The following ME1 variants were observed in gnomAD, a reference collection of about 807,000 sequenced individuals.
ME1 encodes the protein NADP-dependent malic enzyme.
ME1 carries 74 observed loss-of-function variants against 66.4 expected under a neutral mutation model. That is an observed-to-expected ratio of 1.11 (90% CI 0.92 to 1.35). The LOEUF is 1.35. Ranked by LOEUF, ME1 falls within the 40% of genes most tolerant of loss-of-function variation. ME1 has a pLI of 0.00. For synonymous variants in ME1, 251 were observed against 235.6 expected, an observed-to-expected ratio of 1.07 and a Z score of -0.60; for missense variants, 750 against 694.1, an observed-to-expected ratio of 1.08 and a Z score of -0.90.
chr6:83,397,716 T>C (rs1422930709), intron 3 of ME1, among the ~76,000 whole-genome samples: 1 of 152,092 alleles, frequency 6.6e-6, no homozygotes, highest in Admixed American at 6.6e-5. Flanking sequence ...GGCCAAGATA[T>C]GGGATCAAGG....
At chr6:83,332,901 TAAAATAAAAAATA>T (rs572310931) in intron 5 of ME1, among the ~76,000 whole-genome samples, 3 of 152,060 alleles carry the variant, frequency 2.0e-5, no homozygotes, top group Non-Finnish European at 4.4e-5. Flanking sequence ...TTAAGGCTAT[TAAAATAAAAAATA>T]AAAATAAAAA....
At chr6:83,268,021 G>T (rs1016407617) in intron 6 of ME1, among the ~76,000 whole-genome samples, 1 of 151,940 alleles carries the variant, frequency 6.6e-6, no homozygotes, top group Non-Finnish European at 1.5e-5. Flanking sequence ...AAAAAAGGTG[G>T]CATGCTCTAT....
intron 7 of ME1, among the ~76,000 whole-genome samples, chr6:83,247,799 A>C (rs1790652190): frequency 6.6e-6 from 1 of 152,206 alleles, no homozygotes; most frequent in Admixed American, 6.5e-5. Context: ...CAGAACCCCA[A>C]TAACTTGCCA....
In ME1 at chr6:83,384,524, A is replaced by C. The variant is rs145392485; in HGVS notation, c.362+13843T>G. Among the ~76,000 whole-genome samples the C allele has an allele frequency of 5.2e-4, 79 of 151,746 alleles. 1 individual carries two copies. In the East Asian group the frequency reaches 0.014, roughly 26 times the overall value. On this transcript the variant is annotated intron_variant, in intron 3 of 13. Transcript: ENST00000369705. The stretch of plus-strand genomic sequence containing the variant: ...TTTTGCTTGTAAATTTAAGTTCCTT[A>C]TATTAATAGATTCTGGATATTAGAG...
At chr6:83,290,770 G>A (rs538110744) in intron 6 of ME1, among the ~76,000 whole-genome samples, 5 of 152,232 alleles carry the variant, frequency 3.3e-5, no homozygotes, top group Non-Finnish European at 5.9e-5. Flanking sequence ...CTCTTTGTAG[G>A]TCTCCAAGAA....
At chr6:83,367,801 G>A (rs752029431) in intron 3 of ME1, among the ~76,000 whole-genome samples, 30 of 152,110 alleles carry the variant, frequency 2.0e-4, no homozygotes, top group African/African-American at 3.1e-4. Context: ...CAATATGGCC[G>A]CTTTACTTTC....
At chr6:83,411,793 C>T (rs3798889) in intron 1 of ME1, among the ~76,000 whole-genome samples, 1 of 151,938 alleles carries the variant, frequency 6.6e-6, no homozygotes, top group South Asian at 2.1e-4. Context: ...ACATCTAATT[C>T]TCTAAAGACA....
intron 9 of ME1, 36 bp from the exon 10 acceptor site, chr6:83,228,967 C>A (rs1382586026): frequency 7.1e-7 from 1 of 1,406,274 alleles, no homozygotes; most frequent in Non-Finnish European, 9.9e-7. Context: ...TAAGAATCTG[C>A]CAAACATGTG....
chr6:83,229,966 G>A (rs1790268398), intron 9 of ME1, among the ~76,000 whole-genome samples: 1 of 152,010 alleles, frequency 6.6e-6, no homozygotes, highest in Admixed American at 6.6e-5. Context: ...GGAACTACAG[G>A]CATGCACCAC....
At chr6:83,256,656 A>G (rs1766778121) in intron 6 of ME1, among the ~76,000 whole-genome samples, 1 of 152,208 alleles carries the variant, frequency 6.6e-6, no homozygotes, top group Admixed American at 6.5e-5. Context: ...ATCTAGAATC[A>G]GAAATCCCAT....
chr6:83,370,699 A>G (rs1446556703), intron 3 of ME1, among the ~76,000 whole-genome samples: 2 of 152,172 alleles, frequency 1.3e-5, no homozygotes, highest in Non-Finnish European at 2.9e-5. Flanking sequence ...GGAAAAAAGC[A>G]CTTCTCACTG....
chr6:83,263,048 G>A (rs1583346460), intron 6 of ME1, among the ~76,000 whole-genome samples: 1 of 152,052 alleles, frequency 6.6e-6, no homozygotes, highest in African/African-American at 2.4e-5. Context: ...TGCTCACTTT[G>A]TGTCTCTGTC....
intron 13 of ME1, among the ~76,000 whole-genome samples, chr6:83,215,444 A>C (rs1244787410): frequency 6.6e-6 from 1 of 152,216 alleles, no homozygotes; most frequent in African/African-American, 2.4e-5. Context: ...AGAAACCCCA[A>C]TTTAAACATA....
At chr6:83,347,055 G>T (rs1371883916) in intron 4 of ME1, among the ~76,000 whole-genome samples, 1 of 152,036 alleles carries the variant, frequency 6.6e-6, no homozygotes. Flanking sequence ...CCGGGTTCAG[G>T]CAATTCTCCT....
rs138810185 is a variant in ME1 at position 83,344,015 on chromosome 6, T to G, written c.600+2158A>C. 2.4e-3 allele frequency among the ~76,000 whole-genome samples: 359 copies of G among 151,956 alleles called. 2 individuals carry two copies. Among genetic ancestry groups the G allele is most frequent in the Non-Finnish European group, 3.8e-3 (260 of 67,950 alleles). On this transcript the variant is annotated intron_variant, in intron 5 of 13. Transcript: ENST00000369705. Reference sequence around the variant, plus strand: ...ATAAATGGCCAAGGTTTAAAACTGTTTAAAACTTCACTGTTATCCCAGTGA... The same window carrying G: ...ATAAATGGCCAAGGTTTAAAACTGTGTAAAACTTCACTGTTATCCCAGTGA...
chr6:83,224,226 C>T (rs1790144891), intron 11 of ME1, among the ~76,000 whole-genome samples: 1 of 152,124 alleles, frequency 6.6e-6, no homozygotes, highest in Admixed American at 6.6e-5. Flanking sequence ...CCGATAGGCT[C>T]ATCAACCATT....
intron 6 of ME1, among the ~76,000 whole-genome samples, chr6:83,270,760 A>T (rs1767069213): frequency 6.6e-6 from 1 of 152,144 alleles, no homozygotes; most frequent in Non-Finnish European, 1.5e-5. Flanking sequence ...TTGCTAGAAA[A>T]TACCTTTTCA....
chr6:83,307,895 A>G (rs866552480), intron 6 of ME1, among the ~76,000 whole-genome samples: 10 of 152,158 alleles, frequency 6.6e-5, no homozygotes, highest in Admixed American at 1.3e-4. Flanking sequence ...AAATAAATTT[A>G]GTATATCTGG....
intron 3 of ME1, among the ~76,000 whole-genome samples, chr6:83,394,291 C>T (rs1454167840): frequency 1.3e-5 from 2 of 151,880 alleles, no homozygotes; most frequent in East Asian, 3.9e-4. Flanking sequence ...TTCAGAACAG[C>T]TAGAAGAAGA....
Sources: allele counts gnomAD v4.1 joint callset (sites outside exome capture counted in the v4.1 genomes callset), GRCh38; gene constraint gnomAD v4.1.1; transcripts MANE v1.5; gene names NCBI Gene and HGNC (gene_info 2026-07-23, HGNC 2026-07-21).